Variants in SCAP observed in about 807,000 individuals in gnomAD.
The protein encoded by SCAP is sterol regulatory element-binding protein cleavage-activating protein.
Under a neutral mutation model 123.6 loss-of-function variants are expected in SCAP, and 65 were observed. That is an observed-to-expected ratio of 0.53 (90% CI 0.43 to 0.65). The LOEUF (loss-of-function observed/expected upper bound fraction) is 0.65. Ranked by LOEUF, SCAP falls within the 30% of genes least tolerant of loss-of-function variation. SCAP has a pLI of 0.00. For synonymous variants in SCAP, 740 were observed against 726.3 expected (o/e 1.02, Z -0.30); for missense variants, 1,398 against 1,712.5 (o/e 0.82, Z 3.24).
At chr3:47,421,877 C>T (rs1431629683) in intron 10 of SCAP, among the ~76,000 whole-genome samples, 1 of 152,280 alleles carries the variant, frequency 6.6e-6, no homozygotes, top group Non-Finnish European at 1.5e-5. Context: ...CAGTGCAGGG[C>T]CACCTCCACC....
At chr3:47,453,705 G>A (rs568162949) in intron 1 of SCAP, among the ~76,000 whole-genome samples, 15 of 151,794 alleles carry the variant, frequency 9.9e-5, no homozygotes, top group South Asian at 2.1e-4. Flanking sequence ...GGTGTAATAC[G>A]CCCCCATGTT....
chr3:47,458,561 G>A (rs1707514537), intron 1 of SCAP, among the ~76,000 whole-genome samples: 1 of 152,202 alleles, frequency 6.6e-6, no homozygotes, highest in Non-Finnish European at 1.5e-5. Flanking sequence ...ACATTTTAGA[G>A]TAACTGTTGG....
At chr3:47,458,577 C>T (rs1273598569) in intron 1 of SCAP, among the ~76,000 whole-genome samples, 1 of 152,152 alleles carries the variant, frequency 6.6e-6, no homozygotes, top group Non-Finnish European at 1.5e-5. Context: ...GTTGGGATGG[C>T]ACAGCAACAC....
intron 1 of SCAP, among the ~76,000 whole-genome samples, chr3:47,472,765 C>G (rs985967263): frequency 6.6e-6 from 1 of 152,060 alleles, no homozygotes; most frequent in Non-Finnish European, 1.5e-5. Flanking sequence ...CTTCCACTAC[C>G]CTTACCTGCC....
In SCAP at chr3:47,419,240, T is replaced by C; in HGVS notation, c.1940+88A>G. The stretch of plus-strand genomic sequence containing the variant: ...TGAACTGTTTTAATTATTTGCATAA[T>C]TCAAACCTGTGGGCCTCCTGCATTG... On this transcript the variant is annotated intron_variant, in intron 13 of 22. Transcript: ENST00000265565. The surrounding 1 kb of genome is among the most constrained non-coding windows in gnomAD (Gnocchi z 5.0). 1 of 1,483,300 alleles carries C rather than the reference T, an allele frequency of 6.7e-7. No homozygotes were observed. The highest frequency in any genetic ancestry group is 9.1e-7 in the Non-Finnish European group (1 of 1,098,816). The allele number at this position is 1,483,300 out of a possible 1,614,324, so 91.9% of individuals were successfully genotyped here. A position where few individuals can be genotyped will look rare whatever the true frequency, so the allele number is the denominator to read the frequency against.
Position 47,439,902 on chromosome 3 carries a change from A to T in SCAP, c.122+2970T>A, listed in dbSNP as rs1439052070. On this transcript the variant is annotated intron_variant, in intron 2 of 22. Transcript: ENST00000265565. This position sits in a 1 kb window ranked among gnomAD's most constrained non-coding sequence, Gnocchi z 4.0. ...ACAGCAGCTCAGAGAAGAAAGTCAC[A>T]CATCCTCAGTGCTGTTTGGGGTGAG... Among the ~76,000 whole-genome samples the T allele has an allele frequency of 2.0e-5, 3 of 152,190 alleles. No homozygotes were observed. The highest frequency in any genetic ancestry group is 4.8e-5 in the African/African-American group (2 of 41,436).
At chr3:47,448,545 C>T (rs1707139089) in intron 1 of SCAP, among the ~76,000 whole-genome samples, 2 of 151,758 alleles carry the variant, frequency 1.3e-5, no homozygotes, top group African/African-American at 4.8e-5. Flanking sequence ...GTCCCTGAAG[C>T]TCTGTTCATT....
intron 6 of SCAP, 37 bp downstream of exon 6, chr3:47,427,120 C>A (rs777130881): frequency 3.0e-5 from 43 of 1,456,372 alleles, no homozygotes; most frequent in Non-Finnish European, 4.1e-5. Context: ...TGTCACCCAG[C>A]AGACCAGTCA....
At chr3:47,421,147 C>T in intron 10 of SCAP, 118 bp from the exon 11 acceptor site, 1 of 783,636 alleles carries the variant, frequency 1.3e-6, no homozygotes, top group Admixed American at 1.9e-5. Flanking sequence ...AGGCAGGGCA[C>T]AGCAGAGATG....
At position 47,419,530 on chromosome 3, in the gene SCAP, A is replaced by G. The variant is rs1167750419; in HGVS notation, c.1738T>C (p.Phe580Leu). ...GGTAGCTTAGGGGCATCAGGTGGGA[A>G]GATGGAGAAGGCAGGGTCCGGGTGG... ...PSHPDPAFSI[F>L]PPDAPKLPEN... Residue 580 changes from phenylalanine (F) to leucine (L), a missense_variant, in exon 13 of 23, where the codon TTC becomes CTC. Phe to Leu is a conservative substitution (Grantham distance 22, BLOSUM62 0). Around this residue, in one of 7 missense-constraint regions of SCAP, gnomAD observed 828 missense variants for 882.5 expected, o/e 0.94. Coordinates refer to ENST00000265565, the MANE Select transcript of SCAP (RefSeq NM_012235.4). This position sits in a 1 kb window ranked among gnomAD's most constrained non-coding sequence, Gnocchi z 5.0. The G allele has an allele frequency of 1.2e-6, 2 of 1,613,928 alleles. No individual in the cohort carries two copies.
chr3:47,438,677 G>A (rs753919203), intron 2 of SCAP, among the ~76,000 whole-genome samples: 5 of 152,032 alleles, frequency 3.3e-5, no homozygotes, highest in Non-Finnish European at 5.9e-5. Flanking sequence ...GGCCGGACGC[G>A]GTGGCACACG....
chr3:47,414,554 C>T lies in SCAP; in HGVS notation c.3387+18G>A, dbSNP rs771341385. The T allele has an allele frequency of 1.2e-6, 2 of 1,613,230 alleles. No homozygotes were observed. Among genetic ancestry groups the T allele is most frequent in the Middle Eastern group, 1.7e-4 (1 of 6,060 alleles). ...GCCACAGACTCTGTACCCCCTACCCCACCTGCAGGCCGCTTACCTGGTCAA... is the reference window on the plus strand; with the variant it reads ...GCCACAGACTCTGTACCCCCTACCCTACCTGCAGGCCGCTTACCTGGTCAA... On this transcript the variant is annotated intron_variant, in intron 21 of 22. Coordinates refer to ENST00000265565, the MANE Select transcript of SCAP (RefSeq NM_012235.4).
At chr3:47,431,705 T>A (rs145255240) in intron 3 of SCAP, among the ~76,000 whole-genome samples, 3 of 152,316 alleles carry the variant, frequency 2.0e-5, no homozygotes, top group African/African-American at 7.2e-5. Context: ...CCTCCTCACA[T>A]ATCAAGGGCA....
chr3:47,436,380 C>T (rs1415051058), intron 2 of SCAP, among the ~76,000 whole-genome samples: 1 of 152,010 alleles, frequency 6.6e-6, no homozygotes, highest in Admixed American at 6.5e-5. Flanking sequence ...GCCTGTAATC[C>T]CAACACTTTG....
chr3:47,445,664 C>T (rs1271479611), intron 1 of SCAP, among the ~76,000 whole-genome samples: 2 of 151,778 alleles, frequency 1.3e-5, no homozygotes, highest in African/African-American at 2.4e-5. Context: ...CTCCGCCTTC[C>T]GGTGGTTCAA....
In SCAP at chr3:47,414,492, C is replaced by T. The variant is rs879005898; in HGVS notation, c.3387+80G>A. Reference sequence around the variant, plus strand: ...GGGGCCCTGACTGCTTCCTGGAAGGCCCCTGGGGACCAGCTCCCAGGAGTC... The same window carrying T: ...GGGGCCCTGACTGCTTCCTGGAAGGTCCCTGGGGACCAGCTCCCAGGAGTC... On this transcript the variant is annotated intron_variant, in intron 21 of 22. Transcript: ENST00000265565. 5.6e-6 allele frequency: 9 copies of T among 1,598,540 alleles called. No homozygotes were observed. The Admixed American group carries it at 1.5e-4, about 27-fold the overall frequency.
rs149870945 is a variant in SCAP at position 47,470,588 on chromosome 3, C to T, written c.-99+5211G>A. Among the ~76,000 whole-genome samples, 13 of 152,344 alleles carry T rather than the reference C, an allele frequency of 8.5e-5. 1 individual carries two copies. The East Asian group carries it at 1.3e-3, about 16-fold the overall frequency. On this transcript the variant is annotated intron_variant, in intron 1 of 22. Coordinates refer to ENST00000265565, the MANE Select transcript of SCAP (RefSeq NM_012235.4). Reference sequence around the variant, plus strand: ...CCCAAAGAAAAGAACCTTTGCGGGGCGCAGTGGCTCACGCCTATAATCCCA... The same window carrying T: ...CCCAAAGAAAAGAACCTTTGCGGGGTGCAGTGGCTCACGCCTATAATCCCA...
At chr3:47,427,299 G>A (rs752640545) in intron 5 of SCAP, 37 bp from the exon 6 acceptor site, 2 of 1,576,286 alleles carry the variant, frequency 1.3e-6, no homozygotes, top group Admixed American at 3.3e-5. Flanking sequence ...ACACAGAAAT[G>A]ACAGCTACTG....
intron 1 of SCAP, among the ~76,000 whole-genome samples, chr3:47,466,256 C>A (rs1384754884): frequency 2.6e-5 from 4 of 151,774 alleles, no homozygotes; most frequent in African/African-American, 9.7e-5. Context: ...AGGACTCACA[C>A]TTCCTGATTT....
Sources: gnomAD v4.1 joint callset for allele counts (sites outside exome capture counted in the v4.1 genomes callset) on GRCh38, gnomAD v4.1.1 for gene constraint, gnomAD v4.1.1 regional missense constraint, Gnocchi (gnomAD v3.1) non-coding constraint, MANE v1.5 for transcripts, NCBI Gene and HGNC (gene_info 2026-07-23, HGNC 2026-07-21) for gene names.